The following NDST3 variants were observed in gnomAD, a reference collection of about 807,000 sequenced individuals.
The protein encoded by NDST3 is N-deacetylase and N-sulfotransferase 3, also known as bifunctional heparan sulfate N-deacetylase/N-sulfotransferase 3.
A neutral mutation model predicts 96.1 loss-of-function variants in NDST3; 58 were observed. That is an observed-to-expected ratio of 0.60 (90% CI 0.49 to 0.75). The LOEUF (loss-of-function observed/expected upper bound fraction) is 0.75. Among genes scored for constraint, NDST3 ranks in the 30% least tolerant of loss-of-function variants. The pLI is 0.00. For missense variants in NDST3, 788 were observed against 1,034.2 expected (o/e 0.76, Z 3.27); for synonymous variants, 333 against 359.7 (o/e 0.93, Z 0.84).
At chr4:118,077,965 A>T (rs750898024) in intron 2 of NDST3, among the ~76,000 whole-genome samples, 1 of 152,160 alleles carries the variant, frequency 6.6e-6, no homozygotes, top group Non-Finnish European at 1.5e-5. Flanking sequence ...GGACAACAGA[A>T]GATCACTCCC....
chr4:118,151,737 C>A (rs766717420), intron 6 of NDST3, among the ~76,000 whole-genome samples: 1 of 152,114 alleles, frequency 6.6e-6, no homozygotes, highest in Non-Finnish European at 1.5e-5. Context: ...CTTTAAAAAA[C>A]AGTAAGAATT....
At position 118,047,140 on chromosome 4, in the gene NDST3, G is replaced by A. The variant is rs138629466; in HGVS notation, c.-155-6616G>A. Among the ~76,000 whole-genome samples the A allele has an allele frequency of 6.0e-3, 914 of 152,254 alleles. 6 individuals are homozygous for A. The highest frequency in any genetic ancestry group is 9.8e-3 in the Non-Finnish European group (664 of 68,020). On this transcript the variant is annotated intron_variant, in intron 1 of 13. Coordinates refer to ENST00000296499, the MANE Select transcript of NDST3 (RefSeq NM_004784.3). ...ACTGGATCCCAGCCCAAACTACCAC[G>A]CCAAAAATATTTTGCTACTATACAC...
At chr4:118,051,084 G>C (rs1057271069) in intron 1 of NDST3, among the ~76,000 whole-genome samples, 5 of 152,134 alleles carry the variant, frequency 3.3e-5, no homozygotes, top group Non-Finnish European at 7.4e-5. Flanking sequence ...ACAATCATCT[G>C]ATCTTTGGCA....
chr4:118,131,201 T>A (rs1732581142), intron 4 of NDST3, among the ~76,000 whole-genome samples: 1 of 152,208 alleles, frequency 6.6e-6, no homozygotes, highest in South Asian at 2.1e-4. Flanking sequence ...CCAATATCTC[T>A]GAGATTTGCC....
chr4:118,127,968 T>C (rs945632545), intron 4 of NDST3, among the ~76,000 whole-genome samples: 1 of 152,032 alleles, frequency 6.6e-6, no homozygotes, highest in African/African-American at 2.4e-5. Flanking sequence ...AGATTACATT[T>C]TGACTTGTTT....
chr4:118,138,968 G>A (rs1048125711), intron 5 of NDST3, among the ~76,000 whole-genome samples: 1 of 152,170 alleles, frequency 6.6e-6, no homozygotes, highest in Non-Finnish European at 1.5e-5. Context: ...CACCACAGAA[G>A]AACACTATGT....
At position 118,192,722 on chromosome 4, in the gene NDST3, TTTG is replaced by T. The variant is rs558962108; in HGVS notation, c.1540-31766_1540-31764del. On this transcript the variant is annotated intron_variant, in intron 6 of 13. Coordinates refer to ENST00000296499, the MANE Select transcript of NDST3 (RefSeq NM_004784.3). ...AATTTGTTTTTTGTGGGTTTTTTTT[TTTG>T]TTTTTATTGTTTCCACTTTATTGCT... Among the ~76,000 whole-genome samples, 599 of 151,578 alleles carry T rather than the reference TTTG, an allele frequency of 4.0e-3. 4 individuals are homozygous for T. The highest frequency in any genetic ancestry group is 0.014 in the African/African-American group (579 of 40,942).
chr4:118,172,377 G>A (rs10030057), intron 6 of NDST3, among the ~76,000 whole-genome samples: 1,819 of 152,220 alleles, frequency 0.012, 31 homozygotes, highest in African/African-American at 0.041. Context: ...AGTGTAAATT[G>A]TAATGGCGAC....
chr4:118,135,088 C>T (rs887396487), intron 4 of NDST3, among the ~76,000 whole-genome samples: 4 of 152,168 alleles, frequency 2.6e-5, no homozygotes, highest in African/African-American at 9.7e-5. Context: ...CTTTTCTATA[C>T]AATAACGTTT....
chr4:118,195,754 C>T (rs1033931250), intron 6 of NDST3, among the ~76,000 whole-genome samples: 3 of 152,234 alleles, frequency 2.0e-5, no homozygotes, highest in Admixed American at 1.3e-4. Flanking sequence ...TTTTTGGTGG[C>T]GTCTTTGGGT....
intron 6 of NDST3, among the ~76,000 whole-genome samples, chr4:118,182,277 T>C (rs1736659377): frequency 6.6e-6 from 1 of 152,072 alleles, no homozygotes; most frequent in Admixed American, 6.6e-5. Flanking sequence ...AAGCTGTTCA[T>C]GGGAGGGAAG....
intron 1 of NDST3, among the ~76,000 whole-genome samples, chr4:118,035,961 T>C (rs1322865587): frequency 6.6e-6 from 1 of 152,114 alleles, no homozygotes; most frequent in East Asian, 1.9e-4. Flanking sequence ...ATATACCCTC[T>C]TTTTAAATTA....
At chr4:118,067,210 T>A (rs1726660610) in intron 2 of NDST3, among the ~76,000 whole-genome samples, 1 of 151,826 alleles carries the variant, frequency 6.6e-6, no homozygotes, top group African/African-American at 2.4e-5. Flanking sequence ...TTAACAAAAA[T>A]TATTTGACAA....
At chr4:118,134,309 T>C (rs1021039179) in intron 4 of NDST3, among the ~76,000 whole-genome samples, 2 of 152,224 alleles carry the variant, frequency 1.3e-5, no homozygotes, top group Admixed American at 6.5e-5. Context: ...CTTGCGATCA[T>C]GCTAAGAATT....
intron 3 of NDST3, among the ~76,000 whole-genome samples, chr4:118,110,678 A>G (rs2125858927): frequency 6.6e-6 from 1 of 152,276 alleles, no homozygotes; most frequent in Admixed American, 6.5e-5. Context: ...GTTTGCAATA[A>G]CTTCATAAGA....
chr4:118,199,379 T>C (rs543022079), intron 6 of NDST3, among the ~76,000 whole-genome samples: 6 of 152,312 alleles, frequency 3.9e-5, no homozygotes, highest in Non-Finnish European at 8.8e-5. Context: ...GCTGCATTTT[T>C]CAACTCCAGA....
chr4:118,054,920 G>C (rs1725311432), intron 2 of NDST3, 29 bp downstream of exon 2: 1 of 1,602,128 alleles, frequency 6.2e-7, no homozygotes, highest in Non-Finnish European at 8.5e-7. Context: ...AAGTTTCAAA[G>C]TTCAGTTCAT....
At chr4:118,100,730 C>T (rs1328779378) in intron 2 of NDST3, among the ~76,000 whole-genome samples, 1 of 152,074 alleles carries the variant, frequency 6.6e-6, no homozygotes, top group Non-Finnish European at 1.5e-5. Context: ...ATCCAAAATC[C>T]TTGTTAAGTC....
intron 4 of NDST3, 96 bp from the exon 5 acceptor site, chr4:118,137,958 A>T: frequency 9.7e-7 from 1 of 1,035,166 alleles, no homozygotes. Flanking sequence ...TGATGCATTT[A>T]AATATATATA....
Sources: gnomAD v4.1 joint callset for allele counts (sites outside exome capture counted in the v4.1 genomes callset) on GRCh38, gnomAD v4.1.1 for gene constraint, MANE v1.5 for transcripts, NCBI Gene and HGNC (gene_info 2026-07-23, HGNC 2026-07-21) for gene names.